The following DCAF4 variants were observed in gnomAD, a reference collection of about 807,000 sequenced individuals.
The protein encoded by DCAF4 is DDB1 and CUL4 associated factor 4, also known as DDB1- and CUL4-associated factor 4.
DCAF4 carries 37 observed loss-of-function variants against 60.9 expected under a neutral mutation model. The ratio of observed to expected loss-of-function variants is 0.61; its 90% CI spans 0.47 to 0.80. The LOEUF (loss-of-function observed/expected upper bound fraction) is 0.80. Ranked by LOEUF, DCAF4 falls within the 30% of genes least tolerant of loss-of-function variation. The pLI is 0.00. For missense variants in DCAF4, 577 were observed against 650.0 expected (o/e 0.89, Z 1.22); for synonymous variants, 243 against 254.8 (o/e 0.95, Z 0.44).
At chr14:72,952,099 A>G (rs1472433087) in intron 9 of DCAF4, among the ~76,000 whole-genome samples, 2 of 152,152 alleles carry the variant, frequency 1.3e-5, no homozygotes, top group African/African-American at 4.8e-5. Flanking sequence ...AGCAGACTTA[A>G]CACGCATGTA....
intron 11 of DCAF4, 133 bp from the exon 12 acceptor site, chr14:72,955,390 C>A: frequency 1.8e-6 from 2 of 1,089,790 alleles, no homozygotes; most frequent in African/African-American, 1.6e-5. Flanking sequence ...AGACCCAAAC[C>A]CTGACCAGCA....
At chr14:72,962,007 C>G, downstream of DCAF4, 1 of 1,097,154 alleles carries the variant, frequency 9.1e-7, no homozygotes, top group South Asian at 3.2e-5. Context: ...AACAGCATCT[C>G]TTCCCTTCAT....
At position 72,947,149 on chromosome 14, in the gene DCAF4, C is replaced by T. The variant is rs771941250; in HGVS notation, c.686C>T (p.Ser229Leu). The change falls in exon 8 of 14, where the codon TCG becomes TTG. Residue 229 changes from serine to leucine, a missense_variant. By Grantham distance (145) the Ser-to-Leu change is moderately radical. Coordinates refer to ENST00000358377, the MANE Select transcript of DCAF4 (RefSeq NM_015604.4). ...TGTGTGCTTCCTCACCAGGTGAATTCGGTGTGCTGGGCCTCGCTGAATCAC... is the reference window on the plus strand; with the variant it reads ...TGTGTGCTTCCTCACCAGGTGAATTTGGTGTGCTGGGCCTCGCTGAATCAC... ...NLYFTNRKVN[S>L]VCWASLNHLD... is the part of the protein sequence containing the mutation. 31 of 1,614,096 alleles carry T rather than the reference C, an allele frequency of 1.9e-5. No homozygotes were observed. In the African/African-American group the frequency reaches 2.0e-4, roughly 10 times the overall value.
At chr14:72,944,825 A>G (rs1271415876) in intron 6 of DCAF4, among the ~76,000 whole-genome samples, 3 of 152,092 alleles carry the variant, frequency 2.0e-5, no homozygotes. Flanking sequence ...GTGGTGGCTC[A>G]CACCTGTAAT....
chr14:72,943,016 A>G lies in DCAF4; in HGVS notation c.454A>G (p.Ser152Gly). The change falls in exon 6 of 14, where the codon AGC becomes GGC. Residue 152 changes from serine to glycine, a missense_variant. Physicochemically the swap from Ser to Gly is moderately conservative, Grantham distance 56. Coordinates refer to ENST00000358377, the MANE Select transcript of DCAF4 (RefSeq NM_015604.4). ...YCHLAHELRL[S>G]CMERKKVQIR... ...CAGTTTAGCCCACGAGCTGCGTCTCAGCTGCATGGAGAGGAAAAAGGTCCA... is the reference window on the plus strand; with the variant it reads ...CAGTTTAGCCCACGAGCTGCGTCTCGGCTGCATGGAGAGGAAAAAGGTCCA... The G allele has an allele frequency of 6.2e-7, 1 of 1,614,174 alleles. No homozygotes were observed. Among genetic ancestry groups the G allele is most frequent in the Non-Finnish European group, 8.5e-7 (1 of 1,180,014 alleles).
chr14:72,958,795 C>G lies in DCAF4; in HGVS notation c.1478C>G (p.Ser493Cys). 1 of 1,562,964 alleles carries G rather than the reference C, an allele frequency of 6.4e-7. No individual in the cohort carries two copies. The highest frequency in any genetic ancestry group is 8.6e-7 in the Non-Finnish European group (1 of 1,157,122). The change falls in exon 14 of 14, where the codon TCC (serine) becomes TGC (cysteine). Residue 493 changes from serine to cysteine, a missense_variant. Transcript: ENST00000358377. ...GTCGGGCAGGACCTTTACTGTTACT[C>G]CTACAGCTAATTCTGCAGGGCACAG... ...MAVGQDLYCY[S>C]YS
intron 8 of DCAF4, among the ~76,000 whole-genome samples, chr14:72,949,892 G>A (rs974524604): frequency 6.6e-6 from 1 of 152,226 alleles, no homozygotes; most frequent in Non-Finnish European, 1.5e-5. Context: ...GCAGTTGCAA[G>A]GAGATAGAGA....
At chr14:72,953,736 T>TAC (rs1891821581) in intron 9 of DCAF4, among the ~76,000 whole-genome samples, 1 of 26,806 alleles carries the variant, frequency 3.7e-5, no homozygotes, top group Admixed American at 7.1e-4. Context: ...AAAAAAAATA[T>TAC]ATATATATAT....
rs200002099 is a variant in DCAF4 at position 72,941,782 on chromosome 14, G to A, written c.389G>A (p.Arg130Gln). Residue 130 changes from arginine (R) to glutamine (Q), a missense_variant, in exon 5 of 14, where the codon CGA becomes CAA. Arg to Gln is a conservative substitution (Grantham distance 43, BLOSUM62 1). Coordinates refer to ENST00000358377, the MANE Select transcript of DCAF4 (RefSeq NM_015604.4). ...GGATTTAATGCATCTTCCATGCTAC[G>A]AAAAAGCCAGCTGGGTTTTCTCAAC... Reference protein sequence around the residue: ...RMGFNASSMLRKSQLGFLNVT... With the variant: ...RMGFNASSMLQKSQLGFLNVT... The A allele has an allele frequency of 2.9e-5, 46 of 1,613,872 alleles. No individual in the cohort carries two copies. The highest frequency in any genetic ancestry group is 1.7e-4 in the Admixed American group (10 of 59,970).
chr14:72,929,762 G>T, intron 1 of DCAF4: 1 of 1,040,636 alleles, frequency 9.6e-7, no homozygotes, highest in Non-Finnish European at 1.5e-6. Context: ...ACTCCATGGC[G>T]CGCAGCTCGT....
At chr14:72,941,683 C>T in intron 4 of DCAF4, 62 bp from the exon 5 acceptor site, 2 of 1,499,884 alleles carry the variant, frequency 1.3e-6, no homozygotes, top group Non-Finnish European at 1.8e-6. Flanking sequence ...TAAAAACATT[C>T]TCCATCATCC....
At chr14:72,945,762 A>G in intron 6 of DCAF4, 122 bp from the exon 7 acceptor site, 1 of 1,317,242 alleles carries the variant, frequency 7.6e-7, no homozygotes, top group Non-Finnish European at 1.0e-6. Flanking sequence ...GCTCATGGAG[A>G]GGAACTCTCA....
intron 6 of DCAF4, among the ~76,000 whole-genome samples, chr14:72,944,524 G>C (rs1404743340): frequency 1.3e-5 from 2 of 152,218 alleles, no homozygotes; most frequent in Admixed American, 6.5e-5. Context: ...CTGGCACAGT[G>C]GTTCATGCCT....
chr14:72,956,871 C>A (rs964763212), intron 13 of DCAF4: 2 of 253,046 alleles, frequency 7.9e-6, no homozygotes, highest in South Asian at 8.4e-5. Flanking sequence ...TCTCTACTCA[C>A]ATTTCCACCA....
At chr14:72,953,781 TTTG>T (rs1891878192) in intron 9 of DCAF4, among the ~76,000 whole-genome samples, 1 of 18,930 alleles carries the variant, frequency 5.3e-5, no homozygotes, top group Non-Finnish European at 1.3e-4. Flanking sequence ...TATTTATTTA[TTTG>T]TGTGTGTGTG....
chr14:72,928,819 G>C (rs1888079882), intron 1 of DCAF4, among the ~76,000 whole-genome samples: 1 of 152,018 alleles, frequency 6.6e-6, no homozygotes, highest in African/African-American at 2.4e-5. Context: ...CCCTAACCAT[G>C]TGCTAAACAA....
downstream of DCAF4, chr14:72,959,762 GC>G (rs553840845): frequency 6.1e-4 from 373 of 616,504 alleles, 1 homozygote; most frequent in African/African-American, 7.0e-3. Context: ...GACCCACTCT[GC>G]CCTCATCATC....
chr14:72,954,552 G>T, intron 11 of DCAF4, 69 bp downstream of exon 11: 1 of 1,428,082 alleles, frequency 7.0e-7, no homozygotes, highest in Non-Finnish European at 9.8e-7. Flanking sequence ...GATTGAAATT[G>T]GACTCCTCTG....
Position 72,956,441 on chromosome 14 carries a change from T to C in DCAF4, c.1235T>C (p.Val412Ala), listed in dbSNP as rs1475137775. The C allele has an allele frequency of 6.2e-7, 1 of 1,613,728 alleles. No homozygotes were observed. Among genetic ancestry groups the C allele is most frequent in the Non-Finnish European group, 8.5e-7 (1 of 1,179,850 alleles). ...TGCGTAAGGCAGTACGAAGGCCACG[T>C]GAATGAGTACGCCTACCTGCCCCTG... The part of the protein sequence containing the change: ...TKCVRQYEGH[V>A]NEYAYLPLHV... Residue 412 changes from valine to alanine, a missense_variant, in exon 13 of 14, where the codon GTG becomes GCG. Transcript: ENST00000358377.
Sources: allele counts gnomAD v4.1 joint callset (sites outside exome capture counted in the v4.1 genomes callset), GRCh38; gene constraint gnomAD v4.1.1; transcripts MANE v1.5; gene names NCBI Gene and HGNC (gene_info 2026-07-23, HGNC 2026-07-21).